C1QTNF1: variants seen among roughly 807,000 people sequenced by gnomAD.
The protein encoded by C1QTNF1 is C1q and TNF related 1, also known as complement C1q tumor necrosis factor-related protein 1.
Under a neutral mutation model 27.8 loss-of-function variants are expected in C1QTNF1, and 22 were observed. The observed-to-expected ratio is 0.79, with a 90% CI of 0.56 to 1.13. C1QTNF1 has a LOEUF of 1.13. Among genes scored for constraint, C1QTNF1 ranks in the 50% most tolerant of loss-of-function variants. The pLI is 0.00. For missense variants in C1QTNF1, 373 were observed against 380.2 expected (o/e 0.98, Z 0.16); for synonymous variants, 166 against 154.3 (o/e 1.08, Z -0.56).
chr17:79,030,881 G>T (rs1054188112), intron 1 of C1QTNF1, among the ~76,000 whole-genome samples: 7 of 151,962 alleles, frequency 4.6e-5, no homozygotes, highest in African/African-American at 1.7e-4. Context: ...GATTACAGGC[G>T]TGAGCTACTG....
At chr17:79,037,049 A>G (rs1288008959) in intron 1 of C1QTNF1, among the ~76,000 whole-genome samples, 2 of 152,268 alleles carry the variant, frequency 1.3e-5, no homozygotes, top group African/African-American at 4.8e-5. Context: ...GCACACAAGC[A>G]TGAGAGCACG....
chr17:79,030,517 CT>C (rs770684796), intron 1 of C1QTNF1, among the ~76,000 whole-genome samples: 1 of 104,786 alleles, frequency 9.5e-6, no homozygotes, highest in Non-Finnish European at 2.0e-5. Flanking sequence ...TTCTTTCTTT[CT>C]TTCTTTCTTT....
chr17:79,039,783 A>ATGTGTGTGTG (rs35243048), intron 1 of C1QTNF1, among the ~76,000 whole-genome samples: 11 of 151,162 alleles, frequency 7.3e-5, no homozygotes, highest in African/African-American at 2.7e-4. Flanking sequence ...TTAAATAAAT[A>ATGTGTGTGTG]TGTGTGTGTG....
chr17:79,033,083 A>C (rs1466552460), intron 1 of C1QTNF1, among the ~76,000 whole-genome samples: 1 of 151,846 alleles, frequency 6.6e-6, no homozygotes, highest in African/African-American at 2.4e-5. Flanking sequence ...AAAAAAAAAA[A>C]AAAAAGTCTT....
chr17:79,025,735 A>G, intron 1 of C1QTNF1: 1 of 208,920 alleles, frequency 4.8e-6, no homozygotes, highest in South Asian at 7.1e-5. Context: ...CCTCTCCAGC[A>G]CCTGCCAACC....
Position 79,049,612 on chromosome 17 carries a change from C to T in C1QTNF1, c.*1524C>T, listed in dbSNP as rs1230385268. 2.6e-5 allele frequency: 4 copies of T among 152,288 alleles called. No homozygotes were observed. Among genetic ancestry groups the T allele is most frequent in the Non-Finnish European group, 5.9e-5 (4 of 68,128 alleles). The allele number at this position is 152,288 out of a possible 1,614,324, so 9.4% of individuals were successfully genotyped here. A position where few individuals can be genotyped will look rare whatever the true frequency, so the allele number is the denominator to read the frequency against. ...GTTTTGACTAATCCTGCTTCCCTCT[C>T]TGGGCCTGGCTGCCGGGATCTGGGG... On this transcript the variant is annotated 3_prime_UTR_variant, in exon 4 of 4. Coordinates refer to ENST00000579760, the MANE Select transcript of C1QTNF1 (RefSeq NM_030968.5). The surrounding 1 kb of genome is among the most constrained non-coding windows in gnomAD (Gnocchi z 4.4).
chr17:79,047,721 A>G lies in C1QTNF1; in HGVS notation c.479A>G (p.His160Arg). ...CGGAAGAAGCCCATGCACAGCAACC[A>G]CTACTACCAGACGGTGATCTTCGAC... Reference protein sequence around the residue: ...VGRKKPMHSNHYYQTVIFDTE... With the variant: ...VGRKKPMHSNRYYQTVIFDTE... Residue 160 changes from histidine to arginine, a missense_variant, in exon 4 of 4, where the codon CAC (histidine) becomes CGC (arginine). Coordinates refer to ENST00000579760, the MANE Select transcript of C1QTNF1 (RefSeq NM_030968.5). 6.2e-7 allele frequency: 1 copy of G among 1,614,108 alleles called. No homozygotes were observed. Among genetic ancestry groups the G allele is most frequent in the Non-Finnish European group, 8.5e-7 (1 of 1,180,010 alleles).
chr17:79,030,485 T>TTCTTTCTTTCTTTC (rs1471598732), intron 1 of C1QTNF1, among the ~76,000 whole-genome samples: 53 of 121,862 alleles, frequency 4.3e-4, no homozygotes, highest in Non-Finnish European at 5.5e-4. Context: ...CTTTCTTTCT[T>TTCTTTCTTTCTTTC]TTTCTTTCTT....
intron 1 of C1QTNF1, among the ~76,000 whole-genome samples, chr17:79,028,041 G>A (rs1236011660): frequency 6.6e-6 from 1 of 152,248 alleles, no homozygotes; most frequent in Non-Finnish European, 1.5e-5. Flanking sequence ...ACGGCCGTCG[G>A]GACGGCTGTG....
intron 1 of C1QTNF1, chr17:79,041,803 C>T (rs1193367928): frequency 6.6e-6 from 1 of 151,110 alleles, no homozygotes; most frequent in African/African-American, 2.4e-5. Context: ...CTACAGACAT[C>T]CCCCGCAGAG....
chr17:79,043,881 C>T, intron 1 of C1QTNF1, 74 bp from the exon 2 acceptor site: 1 of 1,557,052 alleles, frequency 6.4e-7, no homozygotes. Flanking sequence ...GTTTCTCTCC[C>T]CAATTTTCAG....
In C1QTNF1 at chr17:79,027,081, C is replaced by CT. The variant is rs529255018; in HGVS notation, c.-15+2587_-15+2588insT. On this transcript the variant is annotated intron_variant, in intron 1 of 3. Coordinates refer to ENST00000579760, the MANE Select transcript of C1QTNF1 (RefSeq NM_030968.5). ...GTCCTCAGGGGTCCCTGTTCCTGGG[C>CT]GGGGGGGGGCTGTGGCTGAGGCTCC... 6.5e-5 allele frequency among the ~76,000 whole-genome samples: 8 copies of CT among 123,730 alleles called. No homozygotes were observed. The East Asian group carries it at 1.1e-3, about 17-fold the overall frequency. The allele number at this position is 123,730 out of a possible 152,430, so 81.2% of individuals were successfully genotyped here.
At chr17:79,033,607 G>A (rs2072192174) in intron 1 of C1QTNF1, among the ~76,000 whole-genome samples, 1 of 152,020 alleles carries the variant, frequency 6.6e-6, no homozygotes, top group African/African-American at 2.4e-5. Flanking sequence ...CCGGGAGGCT[G>A]AGATGGGAGG....
At chr17:79,040,071 C>T (rs1221372254) in intron 1 of C1QTNF1, among the ~76,000 whole-genome samples, 2 of 152,178 alleles carry the variant, frequency 1.3e-5, no homozygotes, top group African/African-American at 4.8e-5. Context: ...CAGGGTGCTG[C>T]AGGATGCTTG....
intron 1 of C1QTNF1, among the ~76,000 whole-genome samples, chr17:79,042,125 C>G (rs1478569825): frequency 6.6e-6 from 1 of 152,198 alleles, no homozygotes; most frequent in African/African-American, 2.4e-5. Context: ...GGTGTTCCCA[C>G]GGGGCCTGCG....
At chr17:79,024,745 G>C (rs1325306735) in intron 1 of C1QTNF1, 1 of 152,366 alleles carries the variant, frequency 6.6e-6, no homozygotes, top group African/African-American at 2.4e-5. Flanking sequence ...GGGTCTCCCT[G>C]ACTGTGGAGG....
chr17:79,028,730 C>A (rs535872461), intron 1 of C1QTNF1, among the ~76,000 whole-genome samples: 2 of 152,086 alleles, frequency 1.3e-5, no homozygotes, highest in African/African-American at 4.8e-5. Flanking sequence ...GGGCACTGGT[C>A]GGGAGAGAAA....
intron 1 of C1QTNF1, among the ~76,000 whole-genome samples, chr17:79,041,205 TCTGGGCCCTGAC>T (rs2072398538): frequency 6.6e-6 from 1 of 152,186 alleles, no homozygotes; most frequent in Non-Finnish European, 1.5e-5. Context: ...TGGGACGGTC[TCTGGGCCCTGAC>T]GCATGGGAGG....
At chr17:79,035,282 G>A (rs571570496) in intron 1 of C1QTNF1, among the ~76,000 whole-genome samples, 1 of 152,140 alleles carries the variant, frequency 6.6e-6, no homozygotes, top group South Asian at 2.1e-4. Flanking sequence ...TCAGAGCCGA[G>A]GGGGAGTGGA....
Sources: gnomAD v4.1 joint callset for allele counts (sites outside exome capture counted in the v4.1 genomes callset) on GRCh38, gnomAD v4.1.1 for gene constraint, Gnocchi (gnomAD v3.1) non-coding constraint, MANE v1.5 for transcripts, NCBI Gene and HGNC (gene_info 2026-07-23, HGNC 2026-07-21) for gene names.